AFF3: variants seen among roughly 807,000 people sequenced by gnomAD.
AFF3 encodes ALF transcription elongation factor 3.
Under a neutral mutation model 129.7 loss-of-function variants are expected in AFF3, and 32 were observed. The ratio of observed to expected loss-of-function variants is 0.25; its 90% CI spans 0.19 to 0.33. The LOEUF is 0.33. Ranked by LOEUF, AFF3 falls within the 10% of genes least tolerant of loss-of-function variation. The probability of loss-of-function intolerance (pLI) is 1.00; values close to 1 mark genes in which losing one functional copy is unlikely to be tolerated. For synonymous variants in AFF3, 644 were observed against 635.4 expected (o/e 1.01, Z -0.20); for missense variants, 1,373 against 1,592.0 (o/e 0.86, Z 2.34).
chr2:99,577,307 T>A (rs989778501), intron 18 of AFF3, among the ~76,000 whole-genome samples: 5 of 152,142 alleles, frequency 3.3e-5, no homozygotes, highest in African/African-American at 1.2e-4. Flanking sequence ...GGGCGGACGA[T>A]GAGGCTGGAG....
At chr2:99,929,133 G>A (rs150815296) in intron 7 of AFF3, among the ~76,000 whole-genome samples, 115 of 152,282 alleles carry the variant, frequency 7.6e-4, no homozygotes, top group African/African-American at 2.6e-3. Flanking sequence ...TTTGAGACCA[G>A]CCTGACCAAC....
intron 1 of AFF3, among the ~76,000 whole-genome samples, chr2:100,133,004 G>A (rs1388628714): frequency 6.6e-6 from 1 of 150,956 alleles, no homozygotes; most frequent in East Asian, 2.0e-4. Context: ...ATCAGCTCAC[G>A]GCAGCTTCGA....
At chr2:99,615,275 C>A (rs569196931) in intron 13 of AFF3, among the ~76,000 whole-genome samples, 3 of 152,228 alleles carry the variant, frequency 2.0e-5, no homozygotes, top group South Asian at 4.1e-4. Context: ...TAAAAGGCTT[C>A]TCTGAAAGCC....
At chr2:99,718,741 G>A (rs1004865201) in intron 11 of AFF3, among the ~76,000 whole-genome samples, 2 of 151,754 alleles carry the variant, frequency 1.3e-5, no homozygotes, top group African/African-American at 4.8e-5. Context: ...GAATTTAGCA[G>A]TAGGTTTTTC....
chr2:99,999,407 C>A (rs1681175296), intron 7 of AFF3, among the ~76,000 whole-genome samples: 1 of 152,190 alleles, frequency 6.6e-6, no homozygotes, highest in Non-Finnish European at 1.5e-5. Flanking sequence ...AATTAACTCA[C>A]CCAATAAGTA....
At chr2:99,639,488 T>C (rs1361090990) in intron 13 of AFF3, among the ~76,000 whole-genome samples, 1 of 152,164 alleles carries the variant, frequency 6.6e-6, no homozygotes, top group Non-Finnish European at 1.5e-5. Context: ...GAGACTCAGT[T>C]GGCACTTATC....
At chr2:99,585,156 G>C (rs1198666932) in intron 16 of AFF3, among the ~76,000 whole-genome samples, 1 of 152,202 alleles carries the variant, frequency 6.6e-6, no homozygotes, top group Non-Finnish European at 1.5e-5. Context: ...TTCTCGAAAT[G>C]TGAGTGAAGA....
At chr2:99,711,074 A>G (rs1677845030) in intron 11 of AFF3, among the ~76,000 whole-genome samples, 1 of 152,004 alleles carries the variant, frequency 6.6e-6, no homozygotes, top group Non-Finnish European at 1.5e-5. Flanking sequence ...CAGCCTCCTC[A>G]CAGCCTCAAG....
intron 2 of AFF3, among the ~76,000 whole-genome samples, chr2:100,115,365 T>C (rs1691697330): frequency 6.6e-6 from 1 of 152,084 alleles, no homozygotes; most frequent in Non-Finnish European, 1.5e-5. Context: ...TTGGCCAACA[T>C]GGTGAAACCT....
At chr2:99,607,948 T>C (rs1680537264) in intron 13 of AFF3, among the ~76,000 whole-genome samples, 2 of 152,246 alleles carry the variant, frequency 1.3e-5, no homozygotes, top group Non-Finnish European at 2.9e-5. Context: ...AGGTTTGCTA[T>C]TGCTAAGAAT....
intron 13 of AFF3, among the ~76,000 whole-genome samples, chr2:99,620,671 A>G (rs1342339841): frequency 1.3e-5 from 2 of 152,060 alleles, no homozygotes; most frequent in East Asian, 3.9e-4. Flanking sequence ...GAAACTTTGG[A>G]TATTTGTCCT....
chr2:100,013,987 G>T (rs1339358746), intron 4 of AFF3, among the ~76,000 whole-genome samples: 1 of 152,114 alleles, frequency 6.6e-6, no homozygotes, highest in Non-Finnish European at 1.5e-5. Flanking sequence ...TGAGAAAGGT[G>T]CTGGAGCCAG....
chr2:99,578,223 C>T, intron 18 of AFF3, 104 bp downstream of exon 18: 8 of 1,439,240 alleles, frequency 5.6e-6, no homozygotes, highest in Non-Finnish European at 7.3e-6. Flanking sequence ...AAAAAGGCCG[C>T]ACTGTAGCTG....
chr2:99,980,057 G>A (rs73964391), intron 7 of AFF3, among the ~76,000 whole-genome samples: 4,198 of 152,018 alleles, frequency 0.028, 105 homozygotes, highest in African/African-American at 0.068. Context: ...TTTTTTTAAT[G>A]TGAAAACTCA....
chr2:99,851,582 T>C (rs1690145658), intron 7 of AFF3, among the ~76,000 whole-genome samples: 1 of 152,200 alleles, frequency 6.6e-6, no homozygotes, highest in Admixed American at 6.5e-5. Context: ...AAACCCATAA[T>C]ACAAAGACCC....
At chr2:99,848,366 A>G (rs1417579584) in intron 7 of AFF3, among the ~76,000 whole-genome samples, 1 of 152,244 alleles carries the variant, frequency 6.6e-6, no homozygotes. Context: ...GAATGCAGAT[A>G]TTCCTGCTTC....
At chr2:99,675,434 GTACAC>G (rs1226927829) in intron 11 of AFF3, among the ~76,000 whole-genome samples, 1 of 152,156 alleles carries the variant, frequency 6.6e-6, no homozygotes, top group Admixed American at 6.5e-5. Flanking sequence ...AGGCACAGAG[GTACAC>G]CCTGAGGAGA....
intron 13 of AFF3, among the ~76,000 whole-genome samples, chr2:99,611,836 G>C (rs1484671016): frequency 6.6e-6 from 1 of 151,854 alleles, no homozygotes; most frequent in Admixed American, 6.6e-5. Flanking sequence ...GCAGTGAGCT[G>C]AGGTTGCGTT....
At chr2:99,552,722 G>A (rs935977787) in intron 24 of AFF3, among the ~76,000 whole-genome samples, 1 of 152,114 alleles carries the variant, frequency 6.6e-6, no homozygotes, top group South Asian at 2.1e-4. Flanking sequence ...GTAGGGGTAG[G>A]GGAACAATGC....
Sources: allele counts gnomAD v4.1 joint callset (sites outside exome capture counted in the v4.1 genomes callset), GRCh38; gene constraint gnomAD v4.1.1; transcripts MANE v1.5; gene names NCBI Gene and HGNC (gene_info 2026-07-23, HGNC 2026-07-21).